PGM3: variants seen among roughly 807,000 people sequenced by gnomAD.
PGM3 encodes phosphoacetylglucosamine mutase.
A neutral mutation model predicts 66.2 loss-of-function variants in PGM3; 40 were observed. The ratio of observed to expected loss-of-function variants is 0.60; its 90% CI spans 0.47 to 0.79. The LOEUF (loss-of-function observed/expected upper bound fraction) is 0.79, where lower values mean the gene tolerates loss of function less well. PGM3 is among the 30% of genes least tolerant of loss of function. PGM3 has a pLI of 0.00. For synonymous variants in PGM3, 191 were observed against 224.2 expected (o/e 0.85, Z 1.32); for missense variants, 537 against 643.4 (o/e 0.83, Z 1.79).
chr6:83,170,800 G>A (rs746834444), intron 11 of PGM3: 7 of 192,094 alleles, frequency 3.6e-5, no homozygotes, highest in South Asian at 3.3e-4. Context: ...TAAGAAGACC[G>A]ATAAGAATTT....
the PGM3 span, chr6:83,148,742 A>C: frequency 6.7e-7 from 1 of 1,498,794 alleles, no homozygotes; most frequent in Non-Finnish European, 8.9e-7. Context: ...TTTTGTATAA[A>C]CTATATTATC....
the PGM3 span, chr6:83,148,967 C>T: frequency 4.7e-6 from 3 of 644,004 alleles, no homozygotes; most frequent in East Asian, 6.9e-5. Flanking sequence ...GATCTCTCTA[C>T]CTTCTCATAG....
At chr6:83,149,357 T>C in the PGM3 span, among the ~76,000 whole-genome samples, 225 of 152,332 alleles carry the variant, frequency 1.5e-3, no homozygotes, top group African/African-American at 5.2e-3. Flanking sequence ...AGTCTCTCTT[T>C]CTTGCTTGCC....
intron 5 of PGM3, 56 bp downstream of exon 5, chr6:83,182,789 G>A (rs1562424181): frequency 8.1e-6 from 12 of 1,481,884 alleles, no homozygotes; most frequent in Non-Finnish European, 1.1e-5. Context: ...TTGTTCAGTA[G>A]ACCATGTTAC....
At position 83,166,829 on chromosome 6, in the gene PGM3, G is replaced by A. The variant is rs761754362; in HGVS notation, c.*2405C>T. ...TTAGGTAAACAATGAAAGTTTCTGA[G>A]CAACATCTGATCTTAGAAGGCAAAC... On this transcript the variant is annotated 3_prime_UTR_variant, in exon 13 of 13. Transcript: ENST00000513973. 1 of 1,009,216 alleles carries A rather than the reference G, an allele frequency of 9.9e-7. No homozygotes were observed. The allele number at this position is 1,009,216 out of a possible 1,614,324, so 62.5% of individuals were successfully genotyped here. A position where few individuals can be genotyped will look rare whatever the true frequency, so the allele number is the denominator to read the frequency against.
the PGM3 span, chr6:83,152,163 A>G: frequency 1.1e-6 from 1 of 927,474 alleles, no homozygotes; most frequent in South Asian, 1.8e-5. Context: ...TTTCAGTGGG[A>G]AAAATATATA....
the PGM3 span, among the ~76,000 whole-genome samples, chr6:83,155,633 C>G: frequency 6.6e-6 from 1 of 152,062 alleles, no homozygotes; most frequent in East Asian, 1.9e-4. Context: ...TTTAAAGTAA[C>G]GAGAAGGATT....
At chr6:83,176,784 C>G (rs771310703) in intron 8 of PGM3, among the ~76,000 whole-genome samples, 17 of 152,170 alleles carry the variant, frequency 1.1e-4, no homozygotes, top group Non-Finnish European at 1.6e-4. Context: ...AATATTTCAT[C>G]TGGAAGACAG....
chr6:83,161,359 G>A (rs1032305257), downstream of PGM3: 4 of 152,118 alleles, frequency 2.6e-5, no homozygotes, highest in African/African-American at 9.7e-5. Context: ...TCTTGAAAGA[G>A]TAATATCTTA....
chr6:83,187,699 G>C (rs1054505402), intron 3 of PGM3, among the ~76,000 whole-genome samples: 3 of 152,194 alleles, frequency 2.0e-5, no homozygotes, highest in Non-Finnish European at 4.4e-5. Context: ...AGCTACTCGG[G>C]AGGCTGAGGC....
chr6:83,170,629 T>G, intron 11 of PGM3, 151 bp from the exon 12 acceptor site: 1 of 635,516 alleles, frequency 1.6e-6, no homozygotes. Context: ...ATTTCAACAT[T>G]TGTGCAACTT....
At chr6:83,163,409 G>A (rs2128433745), downstream of PGM3, among the ~76,000 whole-genome samples, 1 of 152,176 alleles carries the variant, frequency 6.6e-6, no homozygotes, top group Admixed American at 6.5e-5. Context: ...ACTAATCAAT[G>A]GGTAAGAAGA....
Position 83,170,486 on chromosome 6 carries a change from C to T in PGM3, c.1366-8G>A. 1 of 1,611,696 alleles carries T rather than the reference C, an allele frequency of 6.2e-7. No homozygotes were observed. The highest frequency in any genetic ancestry group is 1.3e-5 in the African/African-American group (1 of 74,942). ...AACTCTCCTGTCTGCAACCTAAGTG[C>T]AAGCATTTCATATTTGTTACTCTAT... On this transcript the variant is annotated splice_region_variant and splice_polypyrimidine_tract_variant and intron_variant, in intron 11 of 12. Transcript: ENST00000513973.
intron 9 of PGM3, 123 bp from the exon 10 acceptor site, chr6:83,174,610 G>T: frequency 1.8e-6 from 1 of 540,862 alleles, no homozygotes; most frequent in Non-Finnish European, 3.2e-6. Flanking sequence ...GGGAAAAATA[G>T]TGGCAGCCTT....
chr6:83,151,586 C>T, the PGM3 span: 1 of 1,592,664 alleles, frequency 6.3e-7, no homozygotes, highest in Admixed American at 1.8e-5. Flanking sequence ...CTCTTTGGCC[C>T]TTTTAGGGTT....
the PGM3 span, chr6:83,153,548 A>G: frequency 6.2e-7 from 1 of 1,609,466 alleles, no homozygotes; most frequent in Non-Finnish European, 8.5e-7. Flanking sequence ...TTCTATAGTG[A>G]TGAAAAGGAG....
At position 83,168,909 on chromosome 6, in the gene PGM3, TTGG is replaced by T; in HGVS notation, c.*322_*324del. ...GTGATGGCAAAGATATCACAAGGAG[TTGG>T]TAATAAGATTTAATTTTCCAGTAGC... On this transcript the variant is annotated 3_prime_UTR_variant, in exon 13 of 13. Transcript: ENST00000513973. 3 of 1,072,840 alleles carry T rather than the reference TTGG, an allele frequency of 2.8e-6. No individual in the cohort carries two copies. In the South Asian group the frequency reaches 1.0e-4, roughly 37 times the overall value. 66.5% of individuals were successfully genotyped at this position (1,072,840 alleles called of 1,614,324 possible). A position where few individuals can be genotyped will look rare whatever the true frequency, so the allele number is the denominator to read the frequency against.
chr6:83,154,817 C>T, the PGM3 span, among the ~76,000 whole-genome samples: 1 of 150,440 alleles, frequency 6.6e-6, no homozygotes, highest in Non-Finnish European at 1.5e-5. Flanking sequence ...TTTTAAAAAA[C>T]GTTTGAAAGT....
chr6:83,158,735 T>G, downstream of PGM3: 4 of 737,480 alleles, frequency 5.4e-6, no homozygotes, highest in Admixed American at 1.2e-4. Flanking sequence ...TATTTATTAT[T>G]ATCTAATTGA....
Sources: allele counts gnomAD v4.1 joint callset (sites outside exome capture counted in the v4.1 genomes callset), GRCh38; gene constraint gnomAD v4.1.1; transcripts MANE v1.5; gene names NCBI Gene and HGNC (gene_info 2026-07-23, HGNC 2026-07-21).